MTCL1: variants seen among roughly 807,000 people sequenced by gnomAD.
MTCL1 encodes microtubule crosslinking factor 1.
Under a neutral mutation model 141.4 loss-of-function variants are expected in MTCL1, and 79 were observed. The observed-to-expected ratio is 0.56, with a 90% CI of 0.47 to 0.67. The LOEUF (loss-of-function observed/expected upper bound fraction) is 0.67, where lower values mean the gene tolerates loss of function less well. Ranked by LOEUF, MTCL1 falls within the 30% of genes least tolerant of loss-of-function variation. The pLI, the probability that MTCL1 is intolerant of heterozygous loss-of-function variation, is 0.00. For missense variants in MTCL1, 2,177 were observed against 2,113.9 expected, an observed-to-expected ratio of 1.03 and a Z score of -0.59; for synonymous variants, 914 against 875.8, an observed-to-expected ratio of 1.04 and a Z score of -0.77.
exon 15 of MTCL1, chr18:8,826,065 T>C (rs1323231795): frequency 8.1e-6 from 13 of 1,611,614 alleles, no homozygotes; most frequent in East Asian, 2.2e-5. Flanking sequence ...GCAGGACTTA[T>C]CTGCTCCCCC....
At chr18:8,723,798 G>C (rs1324102156) in intron 4 of MTCL1, among the ~76,000 whole-genome samples, 2 of 152,186 alleles carry the variant, frequency 1.3e-5, no homozygotes, top group Non-Finnish European at 2.9e-5. Flanking sequence ...CTTGCTCAGT[G>C]CTGTAGGTTC....
chr18:8,754,119 G>A (rs1194600617), intron 4 of MTCL1, among the ~76,000 whole-genome samples: 2 of 152,130 alleles, frequency 1.3e-5, no homozygotes, highest in Non-Finnish European at 2.9e-5. Context: ...CGCCCAGGCT[G>A]GAGTGCAGTG....
At chr18:8,827,882 C>T (rs2077075856) in intron 15 of MTCL1, among the ~76,000 whole-genome samples, 2 of 152,138 alleles carry the variant, frequency 1.3e-5, no homozygotes, top group African/African-American at 4.8e-5. Context: ...CAAAGTGGCG[C>T]CCAACCCCTT....
chr18:8,763,785 C>T (rs1346880975), intron 4 of MTCL1, among the ~76,000 whole-genome samples: 1 of 152,184 alleles, frequency 6.6e-6, no homozygotes, highest in Admixed American at 6.5e-5. Context: ...TTGACTCATC[C>T]TATAAATTGT....
chr18:8,791,365 G>T (rs2075720358), intron 7 of MTCL1, among the ~76,000 whole-genome samples: 1 of 151,256 alleles, frequency 6.6e-6, no homozygotes, highest in Non-Finnish European at 1.5e-5. Context: ...CAAAGAAAGG[G>T]ATTTATGTTA....
Position 8,779,221 on chromosome 18 carries a change from C to T in MTCL1, c.417+1329C>T, listed in dbSNP as rs909152291. Among the ~76,000 whole-genome samples, 3 of 152,126 alleles carry T rather than the reference C, an allele frequency of 2.0e-5. No homozygotes were observed. The highest frequency in any genetic ancestry group is 4.4e-5 in the Non-Finnish European group (3 of 68,012). Reference sequence around the variant, plus strand: ...TTCTGTTGCTTGACAAGGCCTTTCCCGCTGGTGGTGATGGTGGTGGGCCCC... The same window carrying T: ...TTCTGTTGCTTGACAAGGCCTTTCCTGCTGGTGGTGATGGTGGTGGGCCCC... On this transcript the variant is annotated intron_variant, in intron 5 of 16. Coordinates refer to ENST00000359865, the Ensembl canonical transcript of MTCL1. The surrounding 1 kb of genome is among the most constrained non-coding windows in gnomAD (Gnocchi z 4.1).
At chr18:8,708,442 T>C (rs1161067742) in intron 1 of MTCL1, among the ~76,000 whole-genome samples, 2 of 151,710 alleles carry the variant, frequency 1.3e-5, no homozygotes, top group Non-Finnish European at 2.9e-5. Context: ...CCCAACAACA[T>C]AGGGTGGTGG....
intron 7 of MTCL1, chr18:8,787,336 C>G (rs952229931): frequency 6.6e-6 from 1 of 152,358 alleles, no homozygotes; most frequent in African/African-American, 2.4e-5. Flanking sequence ...TGAAGTCTCT[C>G]ATTCTGCGGA....
intron 4 of MTCL1, among the ~76,000 whole-genome samples, chr18:8,761,098 G>A (rs949171277): frequency 1.3e-5 from 2 of 152,136 alleles, no homozygotes; most frequent in African/African-American, 4.8e-5. Flanking sequence ...TTTATAAACA[G>A]TCTGGGTCCA....
chr18:8,756,969 G>C (rs1459849978), intron 4 of MTCL1, among the ~76,000 whole-genome samples: 1 of 152,194 alleles, frequency 6.6e-6, no homozygotes, highest in Non-Finnish European at 1.5e-5. Flanking sequence ...AGACACCCTA[G>C]TGATGAGTGA....
At chr18:8,789,387 G>T in intron 7 of MTCL1, 1 of 983,898 alleles carries the variant, frequency 1.0e-6, no homozygotes, top group Non-Finnish European at 1.2e-6. Context: ...TCCTAATAGA[G>T]GAGTAGCATT....
At chr18:8,794,463 AAAG>A (rs2075844178) in intron 8 of MTCL1, among the ~76,000 whole-genome samples, 1 of 152,154 alleles carries the variant, frequency 6.6e-6, no homozygotes, top group Admixed American at 6.5e-5. Context: ...GAGGGAGAGA[AAAG>A]AAGGCTCTCC....
rs374104284 is a variant in MTCL1, at chr18:8,774,254, A to G, written c.358-3579A>G. On this transcript the variant is annotated intron_variant, in intron 4 of 16. Transcript: ENST00000359865. ...AAACACATACACACACTCTTTTCGAATGTGTGTGTGTGTGTGTGTGTATTT... is the reference window on the plus strand; with the variant it reads ...AAACACATACACACACTCTTTTCGAGTGTGTGTGTGTGTGTGTGTGTATTT... Among the ~76,000 whole-genome samples, 395 of 150,132 alleles carry G rather than the reference A, an allele frequency of 2.6e-3. 4 individuals carry two copies. Among genetic ancestry groups the G allele is most frequent in the East Asian group, 0.016 (80 of 5,076 alleles).
rs539260909 is a variant in MTCL1 at position 8,790,283 on chromosome 18, C to G, written c.1888-2715C>G. Among the ~76,000 whole-genome samples the G allele has an allele frequency of 6.6e-5, 10 of 152,328 alleles. No homozygotes were observed. The South Asian group carries it at 1.9e-3, about 28-fold the overall frequency. ...ATTATTTATTAAAATTAAAACCAAA[C>G]TAAATAGTTCATGCAATGTATAGAA... On this transcript the variant is annotated intron_variant, in intron 7 of 16. Coordinates refer to ENST00000359865, the Ensembl canonical transcript of MTCL1.
At chr18:8,777,141 C>T (rs1240489992) in intron 4 of MTCL1, among the ~76,000 whole-genome samples, 1 of 152,160 alleles carries the variant, frequency 6.6e-6, no homozygotes, top group African/African-American at 2.4e-5. Context: ...GAGGCTGAGG[C>T]AAGAGAATGG....
chr18:8,770,135 C>A (rs141069199), intron 4 of MTCL1, among the ~76,000 whole-genome samples: 4 of 152,216 alleles, frequency 2.6e-5, no homozygotes, highest in Non-Finnish European at 5.9e-5. Flanking sequence ...GGTCTGAGGG[C>A]TGTGACCTTG....
At chr18:8,777,757 A>G (rs911669990) in intron 4 of MTCL1, 76 bp from the exon 4 acceptor site, 2 of 1,295,978 alleles carry the variant, frequency 1.5e-6, no homozygotes, top group Non-Finnish European at 2.2e-6. Flanking sequence ...GTCCCCACCC[A>G]TGGGGACGAT....
At chr18:8,759,868 G>A (rs2096421614) in intron 4 of MTCL1, among the ~76,000 whole-genome samples, 1 of 152,164 alleles carries the variant, frequency 6.6e-6, no homozygotes, top group South Asian at 2.1e-4. Context: ...TCCTGGCAGA[G>A]GGAGGGTGGC....
chr18:8,726,526 AGCGAGTGCGCAT>A (rs1567945270), intron 4 of MTCL1, among the ~76,000 whole-genome samples: 13 of 120,598 alleles, frequency 1.1e-4, no homozygotes, highest in Non-Finnish European at 1.9e-4. Context: ...AGCGAGAGAG[AGCGAGTGCGCAT>A]GCGCGCGCGC....
Sources: allele counts gnomAD v4.1 joint callset (sites outside exome capture counted in the v4.1 genomes callset), GRCh38; gene constraint gnomAD v4.1.1; non-coding constraint Gnocchi (gnomAD v3.1); transcripts MANE v1.5; gene names NCBI Gene and HGNC (gene_info 2026-07-23, HGNC 2026-07-21).